Variants in PCDHGB2 observed in about 807,000 individuals in gnomAD.
PCDHGB2 encodes protocadherin gamma-B2.
A neutral mutation model predicts 59.3 loss-of-function variants in PCDHGB2; 55 were observed. The observed-to-expected ratio is 0.93, with a 90% CI of 0.75 to 1.16. The LOEUF is 1.16. Ranked by LOEUF, PCDHGB2 falls within the 50% of genes most tolerant of loss-of-function variation. PCDHGB2 has a pLI of 0.00. For missense variants in PCDHGB2, 1,228 were observed against 1,198.5 expected, an observed-to-expected ratio of 1.02 and a Z score of -0.36; for synonymous variants, 516 against 512.0, an observed-to-expected ratio of 1.01 and a Z score of -0.11.
intron 1 of PCDHGB2, among the ~76,000 whole-genome samples, chr5:141,473,191 G>C (rs28479996): frequency 6.6e-6 from 1 of 152,134 alleles, no homozygotes; most frequent in South Asian, 2.1e-4. Flanking sequence ...AGGAGTAAAT[G>C]TATCTTCTAA....
At chr5:141,415,504 C>A in intron 1 of PCDHGB2, 2 of 1,614,216 alleles carry the variant, frequency 1.2e-6, no homozygotes, top group Non-Finnish European at 1.7e-6. Context: ...CTTCCCCCAG[C>A]CCAATTATGC....
intron 1 of PCDHGB2, among the ~76,000 whole-genome samples, chr5:141,439,557 A>C (rs766239185): frequency 1.2e-4 from 19 of 152,178 alleles, no homozygotes; most frequent in Non-Finnish European, 2.2e-4. Context: ...TTCAGGCTGC[A>C]GTTCTAGAGT....
At chr5:141,405,436 T>C (rs2094666141) in intron 1 of PCDHGB2, 1 of 1,458,154 alleles carries the variant, frequency 6.9e-7, no homozygotes. Flanking sequence ...TGTTTTGTTT[T>C]TGAGACAGAG....
chr5:141,393,052 G>A, intron 1 of PCDHGB2: 1 of 1,613,612 alleles, frequency 6.2e-7, no homozygotes, highest in Non-Finnish European at 8.5e-7. Flanking sequence ...CTGAACCCGC[G>A]CAGCGGCAGC....
At chr5:141,387,675 C>G in intron 1 of PCDHGB2, 1 of 729,278 alleles carries the variant, frequency 1.4e-6, no homozygotes, top group Non-Finnish European at 2.2e-6. Flanking sequence ...CAGATCTCCT[C>G]GCGCAGCCGC....
chr5:141,376,574 G>A, intron 1 of PCDHGB2: 12 of 1,598,206 alleles, frequency 7.5e-6, no homozygotes, highest in Non-Finnish European at 1.0e-5. Context: ...AATCAGACAG[G>A]CTCATCAGCT....
intron 1 of PCDHGB2, chr5:141,390,317 C>T: frequency 1.2e-6 from 2 of 1,610,390 alleles, no homozygotes; most frequent in Non-Finnish European, 1.7e-6. Context: ...ATGCTCATTG[C>T]CTACCCATTT....
At chr5:141,434,136 TC>T (rs2097674430) in intron 1 of PCDHGB2, among the ~76,000 whole-genome samples, 1 of 152,246 alleles carries the variant, frequency 6.6e-6, no homozygotes, top group Non-Finnish European at 1.5e-5. Context: ...TAGGCTGATT[TC>T]TATGTCCTTT....
intron 1 of PCDHGB2, among the ~76,000 whole-genome samples, chr5:141,484,107 A>C (rs13361997): frequency 0.24 from 37,195 of 152,070 alleles, 6,332 homozygotes; most frequent in African/African-American, 0.48. Context: ...TAATTAACAA[A>C]AGATCAAGAA....
chr5:141,507,846 T>G (rs892503210), intron 3 of PCDHGB2, among the ~76,000 whole-genome samples: 1 of 152,134 alleles, frequency 6.6e-6, no homozygotes, highest in African/African-American at 2.4e-5. Context: ...CAGGCCCTGC[T>G]CTCACTTTCA....
intron 1 of PCDHGB2, chr5:141,475,816 C>A (rs1051857446): frequency 1.5e-5 from 5 of 342,872 alleles, no homozygotes; most frequent in Admixed American, 9.0e-5. Context: ...AGTGAAGTTC[C>A]TGGCGCTAGC....
chr5:141,394,560 G>GGGCT, intron 1 of PCDHGB2: 2 of 1,614,118 alleles, frequency 1.2e-6, no homozygotes, highest in Non-Finnish European at 1.7e-6. Flanking sequence ...CCGCTCCGCA[G>GGGCT]AGCGTGGCTA....
Position 141,477,685 on chromosome 5 carries a change from G to A in PCDHGB2, c.2422-17122G>A, listed in dbSNP as rs1218415502. ...ACAATGGCATAGTGTCATCCTTAGT[G>A]CCCCTAGACTATGAGGATCGGCGGG... On this transcript the variant is annotated intron_variant, in intron 1 of 3. Transcript: ENST00000522605. This position sits in a 1 kb window ranked among gnomAD's most constrained non-coding sequence, Gnocchi z 4.9. The A allele has an allele frequency of 6.2e-7, 1 of 1,614,116 alleles. No individual in the cohort carries two copies. The highest frequency in any genetic ancestry group is 8.5e-7 in the Non-Finnish European group (1 of 1,180,040).
chr5:141,502,383 G>A (rs941410477), intron 2 of PCDHGB2, among the ~76,000 whole-genome samples: 2 of 151,846 alleles, frequency 1.3e-5, no homozygotes, highest in African/African-American at 4.8e-5. Context: ...CAGGCCAGTT[G>A]TACTTTAAAA....
In PCDHGB2 at chr5:141,477,088, C is replaced by G. The variant is rs1008530221; in HGVS notation, c.2422-17719C>G. On this transcript the variant is annotated intron_variant, in intron 1 of 3. Transcript: ENST00000522605. This position sits in a 1 kb window ranked among gnomAD's most constrained non-coding sequence, Gnocchi z 4.9. ...AACTCCATGAGATTTACATCCAGGC[C>G]AAAGACAAGGGCGCCAATCCCGAAG... The G allele has an allele frequency of 1.2e-6, 2 of 1,614,112 alleles. No individual in the cohort carries two copies. The highest frequency in any genetic ancestry group is 1.6e-4 in the Middle Eastern group (1 of 6,084).
At chr5:141,381,561 A>G (rs1251342749) in intron 1 of PCDHGB2, among the ~76,000 whole-genome samples, 3 of 152,196 alleles carry the variant, frequency 2.0e-5, no homozygotes, top group Non-Finnish European at 4.4e-5. Flanking sequence ...TGAATTGCAT[A>G]ATGAAAAGAA....
rs1254438724 is a variant in PCDHGB2 at position 141,389,817 on chromosome 5, C to T, written c.2421+27261C>T. 17 of 1,613,870 alleles carry T rather than the reference C, an allele frequency of 1.1e-5. No homozygotes were observed. Among genetic ancestry groups the T allele is most frequent in the Non-Finnish European group, 1.4e-5 (16 of 1,179,892 alleles). On this transcript the variant is annotated intron_variant, in intron 1 of 3. Transcript: ENST00000522605. ...CCGCCAGCGCCTTCTGGTCGCCGTG[C>T]GTGACGGTGGACAGCCACCACTCTC...
chr5:141,444,305 A>G (rs62379165), intron 1 of PCDHGB2, among the ~76,000 whole-genome samples: 13,327 of 151,310 alleles, frequency 0.088, 765 homozygotes, highest in African/African-American at 0.16. Context: ...CCTAGTAGCT[A>G]GGATTACAGG....
rs768510925 is a variant in PCDHGB2 at position 141,394,047 on chromosome 5, C to T, written c.2421+31491C>T. On this transcript the variant is annotated intron_variant, in intron 1 of 3. Coordinates refer to ENST00000522605, the MANE Select transcript of PCDHGB2 (RefSeq NM_018923.3). Reference sequence around the variant, plus strand: ...ATTAGTGACAAGGAAATATTTGGACCGAGAAAATGTCTCTATCTACAATAT... The same window carrying T: ...ATTAGTGACAAGGAAATATTTGGACTGAGAAAATGTCTCTATCTACAATAT... The T allele has an allele frequency of 5.6e-6, 9 of 1,613,438 alleles. No homozygotes were observed. The Admixed American group carries it at 1.5e-4, about 27-fold the overall frequency.
Sources: allele counts gnomAD v4.1 joint callset (sites outside exome capture counted in the v4.1 genomes callset), GRCh38; gene constraint gnomAD v4.1.1; non-coding constraint Gnocchi (gnomAD v3.1); transcripts MANE v1.5; gene names NCBI Gene and HGNC (gene_info 2026-07-23, HGNC 2026-07-21).